The following INPP4A variants were observed in gnomAD, a reference collection of about 807,000 sequenced individuals.
INPP4A encodes the protein inositol polyphosphate-4-phosphatase, type I, 107kD.
A neutral mutation model predicts 119.8 loss-of-function variants in INPP4A; 33 were observed. That is an observed-to-expected ratio of 0.28 (90% confidence interval 0.21 to 0.37). INPP4A has a LOEUF of 0.37. Among genes scored for constraint, INPP4A ranks in the 10% least tolerant of loss-of-function variants. INPP4A has a pLI of 1.00. For synonymous variants in INPP4A, 496 were observed against 500.7 expected, an observed-to-expected ratio of 0.99 and a Z score of 0.12; for missense variants, 956 against 1,289.9, an observed-to-expected ratio of 0.74 and a Z score of 3.97.
chr2:98,555,455 G>A (rs1694281813), intron 15 of INPP4A, 98 bp from the exon 16 acceptor site: 6 of 1,296,456 alleles, frequency 4.6e-6, no homozygotes, highest in South Asian at 3.1e-5. Flanking sequence ...AAGTGTGGAA[G>A]CCTAGGGCAG....
At chr2:98,457,370 C>T (rs1407325170) in intron 1 of INPP4A, among the ~76,000 whole-genome samples, 1 of 152,136 alleles carries the variant, frequency 6.6e-6, no homozygotes, top group South Asian at 2.1e-4. Flanking sequence ...CCAGCCTGGT[C>T]GGTATAGTGA....
Position 98,554,577 on chromosome 2 carries a change from G to A in INPP4A, c.1566+88G>A, listed in dbSNP as rs1694129347. On this transcript the variant is annotated intron_variant, in intron 15 of 24. Coordinates refer to ENST00000409851, the MANE Select transcript of INPP4A (RefSeq NM_001134225.2). This position sits in a 1 kb window ranked among gnomAD's most constrained non-coding sequence, Gnocchi z 4.7. Reference sequence around the variant, plus strand: ...TTGCCAGTCTCTGCCCCTCTGAAGTGCCTCAAGGTTCAACTGCTGTGAACA... The same window carrying A: ...TTGCCAGTCTCTGCCCCTCTGAAGTACCTCAAGGTTCAACTGCTGTGAACA... 1.7e-6 allele frequency: 2 copies of A among 1,183,514 alleles called. No individual in the cohort carries two copies. Among genetic ancestry groups the A allele is most frequent in the Admixed American group, 4.2e-5 (2 of 47,868 alleles). 73.3% of individuals were successfully genotyped at this position (1,183,514 alleles called of 1,614,324 possible). A position where few individuals can be genotyped will look rare whatever the true frequency, so the allele number is the denominator to read the frequency against.
chr2:98,568,880 T>C, intron 22 of INPP4A: 2 of 522,052 alleles, frequency 3.8e-6, no homozygotes, highest in Non-Finnish European at 3.5e-6. Context: ...GATTCTCTAC[T>C]AGCCTATGTG....
At position 98,545,965 on chromosome 2, in the gene INPP4A, T is replaced by A. The variant is rs1182751217; in HGVS notation, c.950-4T>A. 2 of 1,580,668 alleles carry A rather than the reference T, an allele frequency of 1.3e-6. No homozygotes were observed. The stretch of plus-strand genomic sequence containing the variant: ...CCTTTATCTTCTCCTATTCCATTTC[T>A]TAGGGCCCTCGTTTAAAGCAAGCAG... On this transcript the variant is annotated splice_polypyrimidine_tract_variant and splice_region_variant and intron_variant, in intron 11 of 24. Coordinates refer to ENST00000409851, the MANE Select transcript of INPP4A (RefSeq NM_001134225.2).
At chr2:98,466,204 C>G (rs1025514424) in intron 1 of INPP4A, among the ~76,000 whole-genome samples, 1 of 152,226 alleles carries the variant, frequency 6.6e-6, no homozygotes, top group African/African-American at 2.4e-5. Context: ...CGCCACCATG[C>G]ACAGCTAATT....
rs112385130 is a variant in INPP4A, at chr2:98,506,190, G to A, written c.-165-12774G>A. On this transcript the variant is annotated intron_variant, in intron 1 of 24. Coordinates refer to ENST00000409851, the MANE Select transcript of INPP4A (RefSeq NM_001134225.2). ...ATGAAGACATGGGTGGGGACAGGGC[G>A]GGACATAATGAGGAACTCTACAACT... Among the ~76,000 whole-genome samples the A allele has an allele frequency of 3.8e-3, 575 of 152,328 alleles. 7 individuals carry two copies. The highest frequency in any genetic ancestry group is 0.013 in the African/African-American group (556 of 41,564).
chr2:98,492,447 T>C (rs1334860371), intron 1 of INPP4A, among the ~76,000 whole-genome samples: 1 of 152,196 alleles, frequency 6.6e-6, no homozygotes, highest in East Asian at 1.9e-4. Context: ...AACATCTCTC[T>C]TGTCTGAAGG....
intron 1 of INPP4A, among the ~76,000 whole-genome samples, chr2:98,479,145 A>T (rs1477616333): frequency 6.6e-6 from 1 of 151,892 alleles, no homozygotes; most frequent in Non-Finnish European, 1.5e-5. Flanking sequence ...TCCACTCCCC[A>T]CTCAAGATAT....
intron 1 of INPP4A, among the ~76,000 whole-genome samples, chr2:98,469,928 C>T (rs1050189715): frequency 6.6e-6 from 1 of 152,226 alleles, no homozygotes; most frequent in African/African-American, 2.4e-5. Flanking sequence ...CCCTCCTTCT[C>T]TCAGGCTGTG....
Position 98,472,458 on chromosome 2 carries a change from G to A in INPP4A, c.-166+27373G>A, listed in dbSNP as rs184588710. Among the ~76,000 whole-genome samples the A allele has an allele frequency of 3.2e-4, 49 of 152,366 alleles. 1 individual carries two copies. The highest frequency in any genetic ancestry group is 1.1e-3 in the African/African-American group (46 of 41,594). ...CACAGTCCAGTGGAGAAGCCAATCT[G>A]ATGTGGACAGATGAGCTCTGTGGCA... On this transcript the variant is annotated intron_variant, in intron 1 of 24. Transcript: ENST00000409851.
chr2:98,454,779 G>A (rs563203920), intron 1 of INPP4A, among the ~76,000 whole-genome samples: 1 of 149,542 alleles, frequency 6.7e-6, no homozygotes, highest in Admixed American at 6.7e-5. Context: ...GGAGGAGGAA[G>A]TGGAGGGCTT....
At position 98,539,549 on chromosome 2, in the gene INPP4A, G is replaced by T; in HGVS notation, c.692G>T (p.Arg231Leu). 1 of 1,610,522 alleles carries T rather than the reference G, an allele frequency of 6.2e-7. No individual in the cohort carries two copies. Among genetic ancestry groups the T allele is most frequent in the South Asian group, 1.1e-5 (1 of 90,652 alleles). ...TCAGTGTTCGGTGGTGCCATCTGCC[G>T]CATGTACCGGTTTCCAACCACTGAT... Reference protein sequence around the residue: ...LKSVFGGAICRMYRFPTTDGN... With the variant: ...LKSVFGGAICLMYRFPTTDGN... Residue 231 changes from arginine (R) to leucine (L), a missense_variant, in exon 10 of 25, where the codon CGC becomes CTC. This residue lies in a region of INPP4A where 652 missense variants were observed against 797.9 expected (regional missense o/e 0.82). Transcript: ENST00000409851.
In INPP4A at chr2:98,566,154, A is replaced by C; in HGVS notation, c.2405A>C (p.Gln802Pro). Reference sequence around the variant, plus strand: ...TTCAACGTGGGCATCAATGAGCAGCAGACACTGGCCGAGAGGTGCGTGCCG... The same window carrying C: ...TTCAACGTGGGCATCAATGAGCAGCCGACACTGGCCGAGAGGTGCGTGCCG... ...VLFNVGINEQ[Q>P]TLAERFGDTS... The change falls in exon 21 of 25, where the codon CAG (glutamine) becomes CCG (proline). Residue 802 changes from glutamine (Q) to proline (P), a missense_variant. Physicochemically the swap from Gln to Pro is moderately conservative, Grantham distance 76. Transcript: ENST00000409851. The surrounding 1 kb of genome is among the most constrained non-coding windows in gnomAD (Gnocchi z 4.2). 1 of 1,594,882 alleles carries C rather than the reference A, an allele frequency of 6.3e-7. No individual in the cohort carries two copies. The highest frequency in any genetic ancestry group is 8.6e-7 in the Non-Finnish European group (1 of 1,168,756).
At chr2:98,577,598 G>A (rs748672900) in intron 24 of INPP4A, among the ~76,000 whole-genome samples, 4 of 152,204 alleles carry the variant, frequency 2.6e-5, no homozygotes, top group African/African-American at 9.7e-5. Context: ...AGGTTGCATC[G>A]GTCTGCTCTG....
Position 98,582,045 on chromosome 2 carries a change from C to T in INPP4A, c.2786+4902C>T, listed in dbSNP as rs147672789. Among the ~76,000 whole-genome samples the T allele has an allele frequency of 4.7e-3, 717 of 152,306 alleles. 6 individuals carry two copies. The highest frequency in any genetic ancestry group is 0.017 in the African/African-American group (687 of 41,562). On this transcript the variant is annotated intron_variant, in intron 24 of 24. Transcript: ENST00000409851. The stretch of plus-strand genomic sequence containing the variant: ...AGCTGGCCTGGAATTCCTTGTACCA[C>T]GTCTCTACCTTCTGATGTACAACTA...
At chr2:98,499,385 C>G (rs1318742712) in intron 1 of INPP4A, among the ~76,000 whole-genome samples, 3 of 152,200 alleles carry the variant, frequency 2.0e-5, no homozygotes, top group Admixed American at 6.5e-5. Context: ...TGCAGCTTCC[C>G]TGTAGAAACC....
chr2:98,589,599 G>GT lies in INPP4A; in HGVS notation c.*1992dup, dbSNP rs1232582261. ...CTATGTAATGGGTCACCATAAAACTGTAAGACTTGGCAAATGCTATAGAAA... is the reference window on the plus strand; with the variant it reads ...CTATGTAATGGGTCACCATAAAACTGTTAAGACTTGGCAAATGCTATAGAAA... On this transcript the variant is annotated 3_prime_UTR_variant, in exon 25 of 25. Coordinates refer to ENST00000409851, the MANE Select transcript of INPP4A (RefSeq NM_001134225.2). 1 of 179,090 alleles carries GT rather than the reference G, an allele frequency of 5.6e-6. No homozygotes were observed. The highest frequency in any genetic ancestry group is 2.4e-5 in the African/African-American group (1 of 42,312). The allele number at this position is 179,090 out of a possible 1,614,324, so 11.1% of individuals were successfully genotyped here.
chr2:98,567,245 A>G (rs926705457), intron 21 of INPP4A, among the ~76,000 whole-genome samples: 1 of 152,014 alleles, frequency 6.6e-6, no homozygotes, highest in Admixed American at 6.5e-5. Flanking sequence ...GCAGAGGGGT[A>G]GGCTGGGGAA....
chr2:98,447,009 C>T (rs1158178604), intron 1 of INPP4A, among the ~76,000 whole-genome samples: 1 of 152,294 alleles, frequency 6.6e-6, no homozygotes, highest in East Asian at 1.9e-4. Flanking sequence ...GGAGCGTTCT[C>T]AGCCAACATC....
Sources: gnomAD v4.1 joint callset for allele counts (sites outside exome capture counted in the v4.1 genomes callset) on GRCh38, gnomAD v4.1.1 for gene constraint, gnomAD v4.1.1 regional missense constraint, Gnocchi (gnomAD v3.1) non-coding constraint, MANE v1.5 for transcripts, NCBI Gene and HGNC (gene_info 2026-07-23, HGNC 2026-07-21) for gene names.